Variants in UPRT observed in about 807,000 individuals in gnomAD.
UPRT encodes uracil phosphoribosyltransferase homolog.
Under a neutral mutation model 22.6 loss-of-function variants are expected in UPRT, and 5 were observed. The ratio of observed to expected loss-of-function variants is 0.22; its 90% CI spans 0.12 to 0.47. The LOEUF (loss-of-function observed/expected upper bound fraction) is 0.47. Among genes scored for constraint, UPRT ranks in the 20% least tolerant of loss-of-function variants. The pLI, the probability that UPRT is intolerant of heterozygous loss-of-function variation, is 0.99. For missense variants in UPRT, 181 were observed against 239.9 expected (o/e 0.75, Z 1.62); for synonymous variants, 77 against 87.7 (o/e 0.88, Z 0.68).
intron 4 of UPRT, among the ~76,000 whole-genome samples, chrX:75,261,727 G>C (rs916001069): frequency 9.0e-6 from 1 of 111,562 alleles, no homozygotes; most frequent in Non-Finnish European, 1.9e-5. Flanking sequence ...AAACAAAAGA[G>C]AATTTTAGCA....
intron 4 of UPRT, among the ~76,000 whole-genome samples, chrX:75,255,467 A>C (rs2082546628): frequency 9.0e-6 from 1 of 111,622 alleles, no homozygotes; most frequent in South Asian, 3.7e-4. Flanking sequence ...TCAAAAATAT[A>C]TAGGCAACAG....
chrX:75,229,121 T>C (rs1182232560), intron 4 of UPRT, among the ~76,000 whole-genome samples: 1 of 112,035 alleles, frequency 8.9e-6, no homozygotes, highest in Non-Finnish European at 1.9e-5. Flanking sequence ...TACTGCGCTG[T>C]AGACTTGAAA....
chrX:75,249,890 C>T (rs1384792022), intron 4 of UPRT, among the ~76,000 whole-genome samples: 1 of 111,604 alleles, frequency 9.0e-6, no homozygotes, highest in African/African-American at 3.3e-5. Context: ...CAAACTGGAA[C>T]TCAGGATTAA....
intron 4 of UPRT, among the ~76,000 whole-genome samples, chrX:75,240,643 C>G (rs1261013202): frequency 1.8e-5 from 2 of 111,460 alleles, no homozygotes; most frequent in African/African-American, 6.5e-5. Context: ...GCAAAAAGAA[C>G]AAATCTGGAG....
At chrX:75,251,499 T>G in intron 4 of UPRT, among the ~76,000 whole-genome samples, 1 of 110,988 alleles carries the variant, frequency 9.0e-6, no homozygotes, top group Middle Eastern at 4.6e-3. Context: ...GGAATCCAAC[T>G]TACAAGGGAC....
intron 1 of UPRT, among the ~76,000 whole-genome samples, chrX:75,279,110 C>T (rs1239455700): frequency 2.7e-5 from 3 of 110,538 alleles, no homozygotes. Context: ...GGGCCATTGC[C>T]CCTGGGAGAA....
In UPRT at chrX:75,190,338, G is replaced by A. The variant is rs188393204; in HGVS notation, c.-447+22459G>A. 8.4e-3 allele frequency among the ~76,000 whole-genome samples: 942 copies of A among 111,906 alleles called. 12 individuals carry two copies. Among genetic ancestry groups the A allele is most frequent in the African/African-American group, 0.028 (859 of 30,770 alleles). ...TCTTCTGGCTTGTAGAGTTTCTGCCGAGAGATCTGCTGTTAGTCTGACGGG... is the reference window on the plus strand; with the variant it reads ...TCTTCTGGCTTGTAGAGTTTCTGCCAAGAGATCTGCTGTTAGTCTGACGGG... On this transcript the variant is annotated intron_variant, in intron 4 of 13. Transcript: ENST00000652605.
intron 4 of UPRT, among the ~76,000 whole-genome samples, chrX:75,242,405 C>A (rs1436037603): frequency 9.1e-6 from 1 of 110,248 alleles, no homozygotes; most frequent in Non-Finnish European, 1.9e-5. Flanking sequence ...CTTCCCTTTC[C>A]CAGCTATACA....
chrX:75,223,309 G>A (rs1016852032), intron 4 of UPRT, among the ~76,000 whole-genome samples: 3 of 110,023 alleles, frequency 2.7e-5, no homozygotes, highest in African/African-American at 9.9e-5. Context: ...GTCTGGTGTT[G>A]GGGGAGGGGT....
intron 4 of UPRT, among the ~76,000 whole-genome samples, chrX:75,168,129 T>C (rs940267060): frequency 6.2e-5 from 7 of 112,200 alleles, no homozygotes; most frequent in African/African-American, 2.3e-4. Context: ...TCCTTTCCCA[T>C]CGCACTTTTT....
At chrX:75,191,674 A>G (rs1440955523) in intron 4 of UPRT, among the ~76,000 whole-genome samples, 1 of 111,512 alleles carries the variant, frequency 9.0e-6, no homozygotes, top group Non-Finnish European at 1.9e-5. Context: ...GGGTGCCCCT[A>G]CCCTAGCCTC....
chrX:75,254,128 C>T (rs2082541342), intron 4 of UPRT, among the ~76,000 whole-genome samples: 1 of 111,608 alleles, frequency 9.0e-6, no homozygotes, highest in African/African-American at 3.3e-5. Flanking sequence ...AAAAGGAAAG[C>T]CATACTTGCT....
chrX:75,220,337 A>C (rs1167139285), intron 4 of UPRT, among the ~76,000 whole-genome samples: 1 of 110,954 alleles, frequency 9.0e-6, no homozygotes, highest in Non-Finnish European at 1.9e-5. Context: ...AGATCAATGC[A>C]TCTTGATTTT....
At chrX:75,251,530 T>G (rs370313571) in intron 4 of UPRT, among the ~76,000 whole-genome samples, 9 of 111,012 alleles carry the variant, frequency 8.1e-5, no homozygotes, top group East Asian at 2.8e-4. Flanking sequence ...TCTTCAAGGA[T>G]AACTACAAAC....
intron 4 of UPRT, among the ~76,000 whole-genome samples, chrX:75,179,859 G>A (rs990274145): frequency 2.7e-5 from 3 of 112,888 alleles, no homozygotes; most frequent in African/African-American, 6.4e-5. Context: ...CAGCTGGCCC[G>A]CAAGCGCCGC....
chrX:75,236,293 A>G (rs1169568220), intron 4 of UPRT, among the ~76,000 whole-genome samples: 2 of 111,630 alleles, frequency 1.8e-5, no homozygotes, highest in African/African-American at 6.5e-5. Context: ...TCAAGGAAAT[A>G]AAAGAGGATA....
chrX:75,288,571 T>A (rs1602493904), intron 1 of UPRT, among the ~76,000 whole-genome samples: 2 of 112,218 alleles, frequency 1.8e-5, no homozygotes, highest in Admixed American at 9.4e-5. Context: ...AAAAGAATTT[T>A]AAAATATATG....
intron 4 of UPRT, among the ~76,000 whole-genome samples, chrX:75,210,390 GAAAGATGTGAGATCCTTGGA>G (rs1486086461): frequency 9.0e-6 from 1 of 111,219 alleles, no homozygotes; most frequent in Non-Finnish European, 1.9e-5. Flanking sequence ...ATTCCTTGTG[GAAAGATGTGAGATCCTTGGA>G]AAAGGAGCCA....
chrX:75,297,458 A>T, intron 3 of UPRT, 33 bp from the exon 4 acceptor site: 2 of 1,195,041 alleles, frequency 1.7e-6, no homozygotes, highest in Non-Finnish European at 2.3e-6. Flanking sequence ...TCCAGTGATG[A>T]AAGATAAATT....
Sources: allele counts gnomAD v4.1 joint callset (sites outside exome capture counted in the v4.1 genomes callset), GRCh38; gene constraint gnomAD v4.1.1; transcripts MANE v1.5; gene names NCBI Gene and HGNC (gene_info 2026-07-23, HGNC 2026-07-21).